ADGRF5: variants seen among roughly 807,000 people sequenced by gnomAD.
The protein encoded by ADGRF5 is G-protein coupled receptor 116.
In ADGRF5, 75 loss-of-function variants were observed where a neutral mutation model predicts 132.3. The observed-to-expected ratio is 0.57, with a 90% CI of 0.47 to 0.69. The LOEUF (loss-of-function observed/expected upper bound fraction) is 0.69, where lower values mean the gene tolerates loss of function less well. Among genes scored for constraint, ADGRF5 ranks in the 30% least tolerant of loss-of-function variants. ADGRF5 has a pLI of 0.00. For synonymous variants in ADGRF5, 629 were observed against 597.6 expected, an observed-to-expected ratio of 1.05 and a Z score of -0.77; for missense variants, 1,516 against 1,630.6, an observed-to-expected ratio of 0.93 and a Z score of 1.21.
chr6:46,860,400 A>T (rs1769602585), intron 16 of ADGRF5, among the ~76,000 whole-genome samples: 1 of 152,236 alleles, frequency 6.6e-6, no homozygotes, highest in Non-Finnish European at 1.5e-5. Flanking sequence ...ATTTAGTGCT[A>T]GACCTTTGAG....
intron 3 of ADGRF5, among the ~76,000 whole-genome samples, chr6:46,889,197 ATAT>A (rs1426782658): frequency 2.7e-5 from 4 of 147,462 alleles, no homozygotes; most frequent in Non-Finnish European, 4.5e-5. Context: ...ATATATATAT[ATAT>A]ATATAAAATA....
chr6:46,944,917 G>C (rs1778244532), intron 1 of ADGRF5, among the ~76,000 whole-genome samples: 1 of 152,156 alleles, frequency 6.6e-6, no homozygotes, highest in African/African-American at 2.4e-5. Context: ...TACTGGCTCA[G>C]TGCTTAGGCT....
intron 10 of ADGRF5, among the ~76,000 whole-genome samples, chr6:46,876,885 G>A (rs562237958): frequency 5.2e-4 from 60 of 114,470 alleles, no homozygotes; most frequent in African/African-American, 1.6e-3. Context: ...GATTACAGGC[G>A]TGAGCCACCG....
intron 4 of ADGRF5, among the ~76,000 whole-genome samples, chr6:46,885,894 T>C (rs1773024732): frequency 1.3e-5 from 2 of 152,224 alleles, no homozygotes; most frequent in Non-Finnish European, 2.9e-5. Context: ...CAAATATAAA[T>C]ACAATGATTT....
chr6:46,933,795 T>A (rs1271067499), intron 1 of ADGRF5, among the ~76,000 whole-genome samples: 1 of 152,158 alleles, frequency 6.6e-6, no homozygotes, highest in Non-Finnish European at 1.5e-5. Context: ...CATAACTACG[T>A]CACCTTCTAT....
rs867797727 is a variant in ADGRF5, at chr6:46,929,545, A to C, written c.-24-22759T>G. ...AAAAGAAAGTAAAAAGATGAAAAAAAAAAAAAGATATCCCTTTCTCTTACC... is the reference window on the plus strand; with the variant it reads ...AAAAGAAAGTAAAAAGATGAAAAAACAAAAAAGATATCCCTTTCTCTTACC... On this transcript the variant is annotated intron_variant, in intron 1 of 20. Coordinates refer to the ADGRF5 transcript ENST00000265417. Among the ~76,000 whole-genome samples, 483 of 151,354 alleles carry C rather than the reference A, an allele frequency of 3.2e-3. 3 individuals are homozygous for C. The highest frequency in any genetic ancestry group is 0.02 in the Middle Eastern group (6 of 294).
At chr6:46,941,416 G>T (rs573786892) in intron 1 of ADGRF5, among the ~76,000 whole-genome samples, 17 of 36,038 alleles carry the variant, frequency 4.7e-4, no homozygotes, top group Middle Eastern at 0.011. Flanking sequence ...GAAAAGAAAA[G>T]AAAAGAAAAG....
intron 1 of ADGRF5, among the ~76,000 whole-genome samples, chr6:46,938,977 G>T (rs1181366273): frequency 6.6e-6 from 1 of 151,292 alleles, no homozygotes; most frequent in African/African-American, 2.4e-5. Flanking sequence ...TTCAAGTGAT[G>T]TTCCTGCCTC....
At chr6:46,863,219 T>A (rs2150791809) in intron 14 of ADGRF5, 123 bp from the exon 15 acceptor site, 2 of 781,700 alleles carry the variant, frequency 2.6e-6, no homozygotes, top group East Asian at 5.3e-5. Flanking sequence ...TTCCGTCACC[T>A]TTTCAGAACT....
intron 1 of ADGRF5, among the ~76,000 whole-genome samples, chr6:46,944,986 C>T (rs1193791554): frequency 6.6e-6 from 1 of 152,184 alleles, no homozygotes. Flanking sequence ...ATCTCCATGG[C>T]TTTGAAAGAA....
intron 16 of ADGRF5, 67 bp downstream of exon 16, chr6:46,860,648 T>C (rs1280394786): frequency 8.4e-7 from 1 of 1,185,176 alleles, no homozygotes; most frequent in African/African-American, 1.5e-5. Flanking sequence ...ATTACGTTTC[T>C]TGAATACAAA....
chr6:46,934,168 C>T (rs746471380), intron 1 of ADGRF5, among the ~76,000 whole-genome samples: 6 of 152,148 alleles, frequency 3.9e-5, no homozygotes, highest in East Asian at 3.9e-4. Flanking sequence ...CTGAGTCACC[C>T]GAATCCACTA....
chr6:46,897,147 C>T (rs7762141), intron 3 of ADGRF5, among the ~76,000 whole-genome samples: 4,790 of 82,938 alleles, frequency 0.058, 73 homozygotes, highest in African/African-American at 0.13. Context: ...CATATATATA[C>T]ACACACACAC....
rs1439598190 is a variant in ADGRF5, at chr6:46,856,771, C to A, written c.3823G>T (p.Glu1275Ter). ...FGCLWDLKVQ[E>*]ALLNKFSLSR... is the part of the protein sequence containing the mutation. ...AATGAAAACTTATTCAGCAAAGCTT[C>A]CTGTACCTGCATTGTTAAAAAGAAG... The change falls in exon 19 of 21, where the codon GAA (glutamate) becomes TAA (stop). Residue 1275 changes from glutamate to a stop codon, truncating the protein, a stop_gained. Transcript: ENST00000283296. LOFTEE classifies it high-confidence loss of function. 6.3e-7 allele frequency: 1 copy of A among 1,593,636 alleles called. No individual in the cohort carries two copies. Among genetic ancestry groups the A allele is most frequent in the South Asian group, 1.1e-5 (1 of 90,530 alleles).
chr6:46,870,169 T>A (rs1770894931), intron 11 of ADGRF5, among the ~76,000 whole-genome samples: 1 of 151,960 alleles, frequency 6.6e-6, no homozygotes, highest in African/African-American at 2.4e-5. Flanking sequence ...TATTATTATT[T>A]TTTTCTTTTT....
At chr6:46,864,355 G>A (rs1283204690) in intron 14 of ADGRF5, among the ~76,000 whole-genome samples, 1 of 152,042 alleles carries the variant, frequency 6.6e-6, no homozygotes, top group East Asian at 1.9e-4. Context: ...TTGTTTTCAT[G>A]TAGCCTTGTC....
In ADGRF5 at chr6:46,938,876, ATTTTT is replaced by A. The variant is rs34685701; in HGVS notation, c.-25+15853_-25+15857del. ...ATTTTTCATTCTTTCTACTTTTCTG[ATTTTT>A]TTTTTTTTTTTATGGAGTCTCACTC... On this transcript the variant is annotated intron_variant, in intron 1 of 20. Coordinates refer to the ADGRF5 transcript ENST00000265417. Among the ~76,000 whole-genome samples the A allele has an allele frequency of 1.6e-3, 232 of 147,554 alleles. 7 individuals carry two copies. The South Asian group carries it at 0.047, about 30-fold the overall frequency.
At chr6:46,927,273 T>TA (rs1470196019) in intron 1 of ADGRF5, among the ~76,000 whole-genome samples, 2 of 80,264 alleles carry the variant, frequency 2.5e-5, no homozygotes, top group African/African-American at 5.8e-5. Context: ...AAAATCAGAA[T>TA]AAAAAAATGT....
At chr6:46,883,696 A>G in intron 5 of ADGRF5, 31 bp from the exon 6 acceptor site, 6 of 1,141,710 alleles carry the variant, frequency 5.3e-6, no homozygotes, top group Non-Finnish European at 7.7e-6. Flanking sequence ...ATATTTAAAA[A>G]TATGTTAATG....
Sources: allele counts gnomAD v4.1 joint callset (sites outside exome capture counted in the v4.1 genomes callset), GRCh38; gene constraint gnomAD v4.1.1; transcripts MANE v1.5; gene names NCBI Gene and HGNC (gene_info 2026-07-23, HGNC 2026-07-21).